Variants in EXOC1 observed in about 807,000 individuals in gnomAD.
EXOC1 encodes SEC3-like 1.
A neutral mutation model predicts 107.7 loss-of-function variants in EXOC1; 67 were observed. That is an observed-to-expected ratio of 0.62 (90% CI 0.51 to 0.76). The LOEUF is 0.76. EXOC1 is among the 30% of genes least tolerant of loss of function. The probability of loss-of-function intolerance (pLI) is 0.00; values close to 1 mark genes in which losing one functional copy is unlikely to be tolerated. For missense variants in EXOC1, 833 were observed against 1,055.7 expected (o/e 0.79, Z 2.92); for synonymous variants, 348 against 353.5 (o/e 0.98, Z 0.17).
At chr4:55,855,851 T>C (rs111731693) in intron 1 of EXOC1, among the ~76,000 whole-genome samples, 7,328 of 152,162 alleles carry the variant, frequency 0.048, 245 homozygotes, top group Admixed American at 0.086. Context: ...CCCTACAACA[T>C]ATTAAGGGAT....
chr4:55,853,670 T>C lies in EXOC1; in HGVS notation c.-294T>C, dbSNP rs1286087469. ...GCGGAGTTTGTCACGTGCCCGGATATAGGAAGTGTTGGGGGAACGGCCGCT... is the reference window on the plus strand; with the variant it reads ...GCGGAGTTTGTCACGTGCCCGGATACAGGAAGTGTTGGGGGAACGGCCGCT... On this transcript the variant is annotated 5_prime_UTR_variant, in exon 1 of 19. Coordinates refer to ENST00000381295, the MANE Select transcript of EXOC1 (RefSeq NM_001024924.2). 1 of 152,216 alleles carries C rather than the reference T, an allele frequency of 6.6e-6. No individual in the cohort carries two copies. The highest frequency in any genetic ancestry group is 1.5e-5 in the Non-Finnish European group (1 of 68,058). The allele number at this position is 152,216 out of a possible 1,614,324, so 9.4% of individuals were successfully genotyped here.
intron 4 of EXOC1, among the ~76,000 whole-genome samples, chr4:55,866,252 C>G (rs1041039874): frequency 9.2e-5 from 14 of 152,192 alleles, no homozygotes; most frequent in African/African-American, 3.1e-4. Context: ...TAATGGGGCT[C>G]CTCAGCAGAA....
intron 2 of EXOC1, 89 bp from the exon 3 acceptor site, chr4:55,860,322 G>A: frequency 1.3e-6 from 2 of 1,513,422 alleles, no homozygotes; most frequent in Non-Finnish European, 1.8e-6. Context: ...TCAGCTACTA[G>A]GCACCTGAAA....
At chr4:55,875,060 T>G (rs2110342986) in intron 8 of EXOC1, among the ~76,000 whole-genome samples, 1 of 152,274 alleles carries the variant, frequency 6.6e-6, no homozygotes, top group Middle Eastern at 3.4e-3. Flanking sequence ...TGTACATAAC[T>G]TAGAGAAAAT....
intron 4 of EXOC1, chr4:55,866,981 G>A (rs1722018050): frequency 1.5e-6 from 1 of 666,898 alleles, no homozygotes; most frequent in Non-Finnish European, 1.9e-6. Context: ...ATGAAATGAT[G>A]TACTGGGACA....
chr4:55,860,313 C>G (rs1174993109), intron 2 of EXOC1, 98 bp from the exon 3 acceptor site: 2 of 1,464,964 alleles, frequency 1.4e-6, no homozygotes, highest in Admixed American at 3.7e-5. Context: ...CTTTTAGTAT[C>G]AGCTACTAGG....
At chr4:55,879,617 G>T (rs1723201620) in intron 9 of EXOC1, among the ~76,000 whole-genome samples, 1 of 152,168 alleles carries the variant, frequency 6.6e-6, no homozygotes, top group African/African-American at 2.4e-5. Flanking sequence ...CATTGTAGCA[G>T]GAAGCCATAG....
At chr4:55,857,414 C>G (rs965881468) in intron 1 of EXOC1, among the ~76,000 whole-genome samples, 2 of 151,800 alleles carry the variant, frequency 1.3e-5, no homozygotes, top group Non-Finnish European at 2.9e-5. Flanking sequence ...TTGATCCGCC[C>G]GCCTCGGCCT....
chr4:55,900,609 C>T (rs1725784606), intron 17 of EXOC1: 1 of 152,230 alleles, frequency 6.6e-6, no homozygotes, highest in African/African-American at 2.4e-5. Context: ...AGCGCGGTGA[C>T]TCACACCTGT....
At chr4:55,885,966 C>T (rs1433250167) in intron 10 of EXOC1, among the ~76,000 whole-genome samples, 2 of 152,026 alleles carry the variant, frequency 1.3e-5, no homozygotes, top group Non-Finnish European at 2.9e-5. Context: ...AATTGTTCAA[C>T]TTAGGATTTT....
intron 9 of EXOC1, 127 bp downstream of exon 9, chr4:55,878,193 G>A: frequency 9.5e-7 from 1 of 1,050,660 alleles, no homozygotes; most frequent in Non-Finnish European, 1.4e-6. Context: ...AAATGAGTCA[G>A]TGCTCTTTAC....
chr4:55,895,351 T>TA (rs1725078591), intron 15 of EXOC1, among the ~76,000 whole-genome samples: 1 of 152,178 alleles, frequency 6.6e-6, no homozygotes, highest in African/African-American at 2.4e-5. Context: ...GGTCCACAGT[T>TA]AAAAAATATG....
rs758640134 is a variant in EXOC1, at chr4:55,860,437, A to G, written c.151A>G (p.Lys51Glu). ...GACAACTGAACGCCCTGTGCAGGTT[A>G]AGGTGGTCAAAGTCAAGAAATCCGA... ...TVTTERPVQV[K>E]VVKVKKSDKG... The change falls in exon 3 of 19, where the codon AAG becomes GAG. Residue 51 changes from lysine (K) to glutamate (E), a missense_variant. This residue lies in a region of EXOC1 where 617 missense variants were observed against 701.3 expected (regional missense o/e 0.88). Transcript: ENST00000381295. The G allele has an allele frequency of 1.2e-6, 2 of 1,613,902 alleles. No individual in the cohort carries two copies. Among genetic ancestry groups the G allele is most frequent in the Admixed American group, 1.7e-5 (1 of 60,018 alleles).
intron 2 of EXOC1, among the ~76,000 whole-genome samples, chr4:55,859,732 A>G (rs1034322560): frequency 6.6e-6 from 1 of 152,160 alleles, no homozygotes; most frequent in South Asian, 2.1e-4. Flanking sequence ...CTGGTTTCTT[A>G]CACTTTTTTA....
intron 18 of EXOC1, among the ~76,000 whole-genome samples, chr4:55,902,895 A>G (rs1412285117): frequency 6.6e-6 from 1 of 152,072 alleles, no homozygotes; most frequent in Non-Finnish European, 1.5e-5. Flanking sequence ...TCTGAGCCTT[A>G]GTTTCCTTAT....
intron 5 of EXOC1, 67 bp downstream of exon 5, chr4:55,868,590 A>G: frequency 7.0e-7 from 1 of 1,428,276 alleles, no homozygotes. Flanking sequence ...TGATGTTCAT[A>G]TTATACTACC....
intron 5 of EXOC1, among the ~76,000 whole-genome samples, chr4:55,869,132 G>A (rs1205470328): frequency 6.6e-6 from 1 of 152,130 alleles, no homozygotes; most frequent in African/African-American, 2.4e-5. Flanking sequence ...TTCGGAGACT[G>A]AGGCGAGCAG....
At position 55,891,440 on chromosome 4, in the gene EXOC1, T is replaced by C; in HGVS notation, c.1647+18T>C. On this transcript the variant is annotated intron_variant, in intron 13 of 18. Coordinates refer to ENST00000381295, the MANE Select transcript of EXOC1 (RefSeq NM_001024924.2). The stretch of plus-strand genomic sequence containing the variant: ...GAACTATGGTATGGCTCACAGTGTA[T>C]TTTGGATAGTATTTATGATCTGTAA... 1 of 1,475,272 alleles carries C rather than the reference T, an allele frequency of 6.8e-7. No homozygotes were observed. The highest frequency in any genetic ancestry group is 9.5e-7 in the Non-Finnish European group (1 of 1,054,058). 91.4% of individuals were successfully genotyped at this position (1,475,272 alleles called of 1,614,324 possible). A position where few individuals can be genotyped will look rare whatever the true frequency, so the allele number is the denominator to read the frequency against.
chr4:55,890,868 C>T (rs888563450), intron 12 of EXOC1, among the ~76,000 whole-genome samples: 6 of 152,152 alleles, frequency 3.9e-5, no homozygotes, highest in Non-Finnish European at 8.8e-5. Flanking sequence ...GCTGGGATTA[C>T]AGGTGCCTGC....
Sources: allele counts gnomAD v4.1 joint callset (sites outside exome capture counted in the v4.1 genomes callset), GRCh38; gene constraint gnomAD v4.1.1; regional missense constraint gnomAD v4.1.1; transcripts MANE v1.5; gene names NCBI Gene and HGNC (gene_info 2026-07-23, HGNC 2026-07-21).